Variants in RBMS3 observed in about 807,000 individuals in gnomAD.
The protein encoded by RBMS3 is RNA binding motif single stranded interacting protein 3, also known as RNA-binding motif, single-stranded-interacting protein 3.
RBMS3 carries 27 observed loss-of-function variants against 66.8 expected under a neutral mutation model. The ratio of observed to expected loss-of-function variants is 0.40; its 90% CI spans 0.30 to 0.56. The LOEUF (loss-of-function observed/expected upper bound fraction) is 0.56, where lower values mean the gene tolerates loss of function less well. Among genes scored for constraint, RBMS3 ranks in the 20% least tolerant of loss-of-function variants. The probability of loss-of-function intolerance (pLI) is 0.40; values close to 1 mark genes in which losing one functional copy is unlikely to be tolerated. For synonymous variants in RBMS3, 188 were observed against 183.0 expected, an observed-to-expected ratio of 1.03 and a Z score of -0.22; for missense variants, 513 against 549.5, an observed-to-expected ratio of 0.93 and a Z score of 0.66.
At chr3:29,947,702 T>G (rs1201989705) in intron 12 of RBMS3, among the ~76,000 whole-genome samples, 2 of 151,520 alleles carry the variant, frequency 1.3e-5, no homozygotes, top group African/African-American at 4.8e-5. Context: ...CCTCCTCTCT[T>G]AAGCAAATGT....
intron 3 of RBMS3, among the ~76,000 whole-genome samples, chr3:29,503,481 T>G: frequency 6.6e-6 from 1 of 152,116 alleles, no homozygotes; most frequent in Non-Finnish European, 1.5e-5. Context: ...GTCTGAATTT[T>G]TACAGTGTTT....
chr3:29,715,034 T>C (rs2053332926), intron 4 of RBMS3, among the ~76,000 whole-genome samples: 1 of 152,160 alleles, frequency 6.6e-6, no homozygotes, highest in African/African-American at 2.4e-5. Context: ...AGCAACAACT[T>C]CTTGAAGATA....
chr3:29,489,278 A>G (rs2043438324), intron 3 of RBMS3, among the ~76,000 whole-genome samples: 1 of 152,142 alleles, frequency 6.6e-6, no homozygotes. Context: ...ATACAAACAT[A>G]ATGTGCACAA....
chr3:29,456,807 A>G (rs2042206850), intron 2 of RBMS3, among the ~76,000 whole-genome samples: 1 of 152,214 alleles, frequency 6.6e-6, no homozygotes, highest in Non-Finnish European at 1.5e-5. Context: ...TAAGAAATAC[A>G]TGGTAGGGCA....
intron 4 of RBMS3, among the ~76,000 whole-genome samples, chr3:29,663,635 AG>A (rs1440271202): frequency 6.6e-6 from 1 of 152,240 alleles, no homozygotes; most frequent in Admixed American, 6.5e-5. Flanking sequence ...TAATTATACC[AG>A]TGGCCTCGAG....
intron 5 of RBMS3, among the ~76,000 whole-genome samples, chr3:29,756,002 A>G (rs904672776): frequency 3.9e-5 from 6 of 152,140 alleles, no homozygotes; most frequent in Non-Finnish European, 8.8e-5. Context: ...TTCAGTGATA[A>G]ACAGCACCTA....
At chr3:29,930,109 C>CTTTCTTTCTTTCTTTTTTTT (rs71091082) in intron 10 of RBMS3, among the ~76,000 whole-genome samples, 4 of 43,534 alleles carry the variant, frequency 9.2e-5, no homozygotes, top group Non-Finnish European at 2.1e-4. Context: ...TTCTTTCTTT[C>CTTTCTTTCTTTCTTTTTTTT]TTTTTTTTTT....
chr3:29,765,317 T>G (rs1238991757), intron 6 of RBMS3, among the ~76,000 whole-genome samples: 1 of 151,940 alleles, frequency 6.6e-6, no homozygotes, highest in Non-Finnish European at 1.5e-5. Context: ...GAAATGTATG[T>G]CTTAACCAAT....
At chr3:29,458,218 G>A (rs2042258675) in intron 2 of RBMS3, among the ~76,000 whole-genome samples, 1 of 152,164 alleles carries the variant, frequency 6.6e-6, no homozygotes, top group African/African-American at 2.4e-5. Flanking sequence ...AGTATAAATT[G>A]AAATAACACA....
At chr3:29,349,065 A>G (rs1011017675) in intron 1 of RBMS3, among the ~76,000 whole-genome samples, 1 of 152,146 alleles carries the variant, frequency 6.6e-6, no homozygotes, top group Non-Finnish European at 1.5e-5. Flanking sequence ...GGCTTTGTAT[A>G]TTCTTACCAG....
chr3:29,816,992 G>A (rs2057926357), intron 6 of RBMS3, among the ~76,000 whole-genome samples: 4 of 152,098 alleles, frequency 2.6e-5, no homozygotes, highest in South Asian at 2.1e-4. Context: ...ATGGGAGGCT[G>A]AGGCAAGAGA....
At chr3:29,703,436 A>C (rs544155220) in intron 4 of RBMS3, among the ~76,000 whole-genome samples, 1 of 152,332 alleles carries the variant, frequency 6.6e-6, no homozygotes, top group Non-Finnish European at 1.5e-5. Context: ...AAACAACTTA[A>C]TGAATGCTAT....
chr3:29,825,956 G>A (rs1008961118), intron 6 of RBMS3, among the ~76,000 whole-genome samples: 5 of 152,214 alleles, frequency 3.3e-5, no homozygotes, highest in Admixed American at 2.6e-4. Flanking sequence ...TAAACATCCA[G>A]TGTTTCTTTT....
At chr3:29,841,815 A>G (rs2058669370) in intron 6 of RBMS3, among the ~76,000 whole-genome samples, 1 of 152,054 alleles carries the variant, frequency 6.6e-6, no homozygotes, top group Non-Finnish European at 1.5e-5. Context: ...AAATTATAAT[A>G]ATTCCTGAAA....
chr3:29,322,294 A>G (rs1467911249), intron 1 of RBMS3, among the ~76,000 whole-genome samples: 5 of 152,134 alleles, frequency 3.3e-5, no homozygotes, highest in African/African-American at 1.2e-4. Flanking sequence ...TAATCTAGTA[A>G]AAATGTTGTC....
At chr3:29,417,659 A>G (rs1237869791) in intron 1 of RBMS3, among the ~76,000 whole-genome samples, 1 of 152,176 alleles carries the variant, frequency 6.6e-6, no homozygotes, top group Non-Finnish European at 1.5e-5. Context: ...CTGTTTCAAA[A>G]CAGAGATATG....
At position 29,545,100 on chromosome 3, in the gene RBMS3, GC is replaced by G. The variant is rs564130985; in HGVS notation, c.308-42012del. Among the ~76,000 whole-genome samples the G allele has an allele frequency of 5.3e-5, 8 of 152,090 alleles. No individual in the cohort carries two copies. In the South Asian group the frequency reaches 1.7e-3, roughly 32 times the overall value. ...GCAACACAATGAAAAGAAACTAAAAGCCTTTCAATAAGAAATAAATTATGTA... is the reference window on the plus strand; with the variant it reads ...GCAACACAATGAAAAGAAACTAAAAGCTTTCAATAAGAAATAAATTATGTA... On this transcript the variant is annotated intron_variant, in intron 3 of 14. Transcript: ENST00000383767.
intron 4 of RBMS3, among the ~76,000 whole-genome samples, chr3:29,706,023 G>C (rs538580218): frequency 4.6e-5 from 7 of 152,290 alleles, no homozygotes; most frequent in Admixed American, 1.3e-4. Flanking sequence ...ACATCAAGCT[G>C]GTTCTAGCAA....
chr3:29,508,174 A>G (rs2044258627), intron 3 of RBMS3, among the ~76,000 whole-genome samples: 1 of 152,108 alleles, frequency 6.6e-6, no homozygotes, highest in African/African-American at 2.4e-5. Context: ...CATTTGTATA[A>G]TATAATCTAT....
Sources: allele counts gnomAD v4.1 joint callset (sites outside exome capture counted in the v4.1 genomes callset), GRCh38; gene constraint gnomAD v4.1.1; transcripts MANE v1.5; gene names NCBI Gene and HGNC (gene_info 2026-07-23, HGNC 2026-07-21).